The following EPS15 variants were observed in gnomAD, a reference collection of about 807,000 sequenced individuals.
EPS15 encodes epidermal growth factor receptor substrate 15.
EPS15 carries 72 observed loss-of-function variants against 113.8 expected under a neutral mutation model. The ratio of observed to expected loss-of-function variants is 0.63; its 90% CI spans 0.52 to 0.77. The LOEUF (loss-of-function observed/expected upper bound fraction) is 0.77. Ranked by LOEUF, EPS15 falls within the 30% of genes least tolerant of loss-of-function variation. The pLI, the probability that EPS15 is intolerant of heterozygous loss-of-function variation, is 0.00. For missense variants in EPS15, 1,048 were observed against 1,045.8 expected, an observed-to-expected ratio of 1.00 and a Z score of -0.03; for synonymous variants, 344 against 363.4, an observed-to-expected ratio of 0.95 and a Z score of 0.61.
At chr1:51,473,525 C>T (rs10493155) in intron 2 of EPS15, among the ~76,000 whole-genome samples, 43,355 of 151,954 alleles carry the variant, frequency 0.29, 7,972 homozygotes, top group African/African-American at 0.52. Context: ...AGGGAACATA[C>T]CATTTTAACT....
chr1:51,395,027 C>G (rs1442312914), intron 20 of EPS15, among the ~76,000 whole-genome samples: 1 of 151,986 alleles, frequency 6.6e-6, no homozygotes, highest in African/African-American at 2.4e-5. Flanking sequence ...TGCCACCATA[C>G]CTGGGTAATT....
intron 21 of EPS15, among the ~76,000 whole-genome samples, chr1:51,377,782 C>CA (rs1646835791): frequency 6.6e-6 from 1 of 152,132 alleles, no homozygotes; most frequent in South Asian, 2.1e-4. Context: ...TCGCCACAGG[C>CA]ACCCCAACCT....
chr1:51,484,368 T>G (rs1479176007), intron 1 of EPS15, among the ~76,000 whole-genome samples: 2 of 152,096 alleles, frequency 1.3e-5, no homozygotes, highest in Non-Finnish European at 1.5e-5. Flanking sequence ...TTGAGACCAA[T>G]CTAGGCAACA....
chr1:51,475,745 G>A (rs958898942), intron 2 of EPS15, among the ~76,000 whole-genome samples: 5 of 152,182 alleles, frequency 3.3e-5, no homozygotes, highest in Admixed American at 3.3e-4. Context: ...TAGTCATGAA[G>A]TTCTTGCCCA....
chr1:51,402,339 G>T, intron 18 of EPS15, 96 bp downstream of exon 18: 1 of 595,114 alleles, frequency 1.7e-6, no homozygotes, highest in Non-Finnish European at 2.9e-6. Context: ...AGACTGAGTT[G>T]GTAGGCTATT....
At chr1:51,391,731 A>G (rs890215147) in intron 21 of EPS15, among the ~76,000 whole-genome samples, 2 of 152,176 alleles carry the variant, frequency 1.3e-5, no homozygotes, top group African/African-American at 4.8e-5. Context: ...TAGAGTCAAT[A>G]AGATTTCCTG....
rs1201973655 is a variant in EPS15, at chr1:51,361,339, G to A, written c.2376C>T (p.Asn792=). 1 of 1,610,634 alleles carries A rather than the reference G, an allele frequency of 6.2e-7. No homozygotes were observed. The highest frequency in any genetic ancestry group is 8.5e-7 in the Non-Finnish European group (1 of 1,178,464). Reference sequence around the variant, plus strand: ...TAAAGGGATCAGGAGAATCCAATTTGTTGATGGATCTTTTCCCTGGATCAA... The same window carrying A: ...TAAAGGGATCAGGAGAATCCAATTTATTGATGGATCTTTTCCCTGGATCAA... ...CPLPPGKRSI[N]KLDSPDPFKL... The change falls in exon 24 of 25, where the codon AAC becomes AAT. Residue 792 remains asparagine, a synonymous_variant. Transcript: ENST00000371733.
At chr1:51,485,114 G>A (rs1644096554) in intron 1 of EPS15, among the ~76,000 whole-genome samples, 1 of 152,174 alleles carries the variant, frequency 6.6e-6, no homozygotes, top group Non-Finnish European at 1.5e-5. Context: ...GAGAACCACT[G>A]AGGCAGTTTC....
intron 12 of EPS15, among the ~76,000 whole-genome samples, chr1:51,433,872 T>C (rs930619629): frequency 3.3e-5 from 5 of 152,158 alleles, no homozygotes; most frequent in Admixed American, 2.0e-4. Context: ...TGACAAAATA[T>C]TAACTCCTGC....
intron 8 of EPS15, among the ~76,000 whole-genome samples, chr1:51,460,772 G>A (rs367563379): frequency 3.9e-5 from 6 of 151,982 alleles, no homozygotes; most frequent in Non-Finnish European, 7.4e-5. Flanking sequence ...TAGCCAACAC[G>A]GCAAAACCCC....
chr1:51,405,653 G>A (rs12089695), intron 16 of EPS15, among the ~76,000 whole-genome samples: 38 of 150,948 alleles, frequency 2.5e-4, no homozygotes, highest in African/African-American at 6.8e-4. Flanking sequence ...AGCCAAGATC[G>A]CACCACTGCA....
chr1:51,427,864 T>C (rs1157686236), intron 12 of EPS15, among the ~76,000 whole-genome samples: 1 of 152,148 alleles, frequency 6.6e-6, no homozygotes, highest in Non-Finnish European at 1.5e-5. Flanking sequence ...TGATAAAATA[T>C]CTGCATCTAC....
At chr1:51,470,701 A>G (rs1436566732) in intron 4 of EPS15, among the ~76,000 whole-genome samples, 1 of 151,932 alleles carries the variant, frequency 6.6e-6, no homozygotes, top group Non-Finnish European at 1.5e-5. Flanking sequence ...TCAAAGTTTA[A>G]CTGCAGACTC....
At chr1:51,415,662 G>A (rs1650138932) in intron 13 of EPS15, among the ~76,000 whole-genome samples, 1 of 151,600 alleles carries the variant, frequency 6.6e-6, no homozygotes, top group Non-Finnish European at 1.5e-5. Flanking sequence ...CAGGCGTGGT[G>A]GCGGATGCCT....
chr1:51,423,695 CAG>C, intron 12 of EPS15: 3 of 985,400 alleles, frequency 3.0e-6, no homozygotes, highest in Non-Finnish European at 3.6e-6. Flanking sequence ...CTGTCACTGA[CAG>C]TGTCTGCTCA....
intron 7 of EPS15, among the ~76,000 whole-genome samples, chr1:51,462,702 A>G (rs555092179): frequency 6.6e-6 from 1 of 152,230 alleles, no homozygotes; most frequent in Admixed American, 6.5e-5. Flanking sequence ...CTTTTACAGG[A>G]GGAAAAGAAT....
intron 1 of EPS15, among the ~76,000 whole-genome samples, chr1:51,508,381 A>AAAGAAAGAAAGC (rs1491415512): frequency 6.0e-5 from 9 of 150,536 alleles, no homozygotes; most frequent in Non-Finnish European, 1.3e-4. Flanking sequence ...AGAAAGAAAG[A>AAAGAAAGAAAGC]AAGAGAAAAT....
intron 23 of EPS15, among the ~76,000 whole-genome samples, chr1:51,361,672 GGA>G (rs1346441601): frequency 6.6e-6 from 1 of 152,064 alleles, no homozygotes; most frequent in African/African-American, 2.4e-5. Flanking sequence ...GTTCCCAAAA[GGA>G]GAGACGAATG....
chr1:51,454,473 T>G (rs1653825626), intron 8 of EPS15, among the ~76,000 whole-genome samples: 1 of 152,228 alleles, frequency 6.6e-6, no homozygotes, highest in Non-Finnish European at 1.5e-5. Context: ...TGATGTCACA[T>G]GGATATCATG....
Sources: allele counts gnomAD v4.1 joint callset (sites outside exome capture counted in the v4.1 genomes callset), GRCh38; gene constraint gnomAD v4.1.1; transcripts MANE v1.5; gene names NCBI Gene and HGNC (gene_info 2026-07-23, HGNC 2026-07-21).